The following ZNF326 variants were observed in gnomAD, a reference collection of about 807,000 sequenced individuals.
The protein encoded by ZNF326 is DBIRD complex subunit ZNF326.
ZNF326 carries 30 observed loss-of-function variants against 63.1 expected under a neutral mutation model. That is an observed-to-expected ratio of 0.48 (90% CI 0.36 to 0.64). ZNF326 has a LOEUF of 0.64. ZNF326 is among the 30% of genes least tolerant of loss of function. The pLI, the probability that ZNF326 is intolerant of heterozygous loss-of-function variation, is 0.00. For missense variants in ZNF326, 609 were observed against 720.3 expected, an observed-to-expected ratio of 0.85 and a Z score of 1.77; for synonymous variants, 194 against 228.2, an observed-to-expected ratio of 0.85 and a Z score of 1.35.
chr1:90,006,000 A>T, intron 4 of ZNF326: 1 of 985,460 alleles, frequency 1.0e-6, no homozygotes, highest in Non-Finnish European at 1.2e-6. Context: ...TTTTTGAGGC[A>T]CAAAGGTTCC....
Position 89,995,247 on chromosome 1 carries a change from C to T in ZNF326, c.-11C>T, listed in dbSNP as rs1265230554. The T allele has an allele frequency of 1.3e-6, 2 of 1,552,520 alleles. No homozygotes were observed. Among genetic ancestry groups the T allele is most frequent in the Non-Finnish European group, 1.7e-6 (2 of 1,151,282 alleles). On this transcript the variant is annotated 5_prime_UTR_variant, in exon 1 of 12. Coordinates refer to ENST00000340281, the MANE Select transcript of ZNF326 (RefSeq NM_182976.4). ...TAGCGCCGCCAAGGCCGACGGCCCT[C>T]AGCCTCTGCCATGGACTTCGAGGAC...
chr1:90,013,996 C>T (rs1297744347), intron 7 of ZNF326, among the ~76,000 whole-genome samples: 2 of 151,304 alleles, frequency 1.3e-5, no homozygotes, highest in Admixed American at 6.6e-5. Flanking sequence ...ACCCGGGAGT[C>T]GGAGCTTGCA....
At chr1:90,003,249 G>A (rs1397716260) in intron 2 of ZNF326, among the ~76,000 whole-genome samples, 1 of 151,630 alleles carries the variant, frequency 6.6e-6, no homozygotes. Context: ...TCCTGCCTCA[G>A]CCTGCCGAGT....
In ZNF326 at chr1:89,995,184, G is replaced by C; in HGVS notation, c.-74G>C. Reference sequence around the variant, plus strand: ...TCGCGCGGAGTGATCGTGTGGAATCGCGGGTCGCGGACGCTCGCCGCCGGC... The same window carrying C: ...TCGCGCGGAGTGATCGTGTGGAATCCCGGGTCGCGGACGCTCGCCGCCGGC... On this transcript the variant is annotated 5_prime_UTR_variant, in exon 1 of 12. Coordinates refer to ENST00000340281, the MANE Select transcript of ZNF326 (RefSeq NM_182976.4). 2.7e-6 allele frequency: 4 copies of C among 1,501,586 alleles called. No homozygotes were observed. The highest frequency in any genetic ancestry group is 3.4e-4 in the Middle Eastern group (2 of 5,840). 93.0% of individuals were successfully genotyped at this position (1,501,586 alleles called of 1,614,324 possible). A position where few individuals can be genotyped will look rare whatever the true frequency, so the allele number is the denominator to read the frequency against.
intron 4 of ZNF326, chr1:90,005,850 G>A (rs560206317): frequency 2.0e-6 from 2 of 985,334 alleles, no homozygotes; most frequent in Non-Finnish European, 2.4e-6. Flanking sequence ...TAGAAGCATT[G>A]TATTAAAGCC....
At chr1:90,000,409 G>A (rs1372861303) in intron 2 of ZNF326, among the ~76,000 whole-genome samples, 2 of 152,138 alleles carry the variant, frequency 1.3e-5, no homozygotes, top group Non-Finnish European at 2.9e-5. Context: ...ATATAGAAAA[G>A]GGGAGAGAAA....
chr1:90,018,894 C>A, intron 9 of ZNF326, 110 bp downstream of exon 9: 1 of 471,312 alleles, frequency 2.1e-6, no homozygotes, highest in Non-Finnish European at 3.6e-6. Flanking sequence ...GTCATATATA[C>A]AGTAGCTCTG....
In ZNF326 at chr1:90,034,434, G is replaced by C. The variant is rs550862314; in HGVS notation, c.*6733G>C. ...ATTGTCAGATAAAGAGTTCAAAATA[G>C]AGGAAACATTTTGAATTATATAGTG... On this transcript the variant is annotated 3_prime_UTR_variant, in exon 12 of 12. Transcript: ENST00000340281. 37 of 152,262 alleles carry C rather than the reference G, an allele frequency of 2.4e-4. No homozygotes were observed. Among genetic ancestry groups the C allele is most frequent in the Non-Finnish European group, 5.1e-4 (35 of 67,978 alleles). 9.4% of individuals were successfully genotyped at this position (152,262 alleles called of 1,614,324 possible). A position where few individuals can be genotyped will look rare whatever the true frequency, so the allele number is the denominator to read the frequency against.
chr1:89,995,428 C>T (rs1006497863), intron 1 of ZNF326, among the ~76,000 whole-genome samples, 155 bp downstream of exon 1: 6 of 152,206 alleles, frequency 3.9e-5, no homozygotes, highest in Non-Finnish European at 7.4e-5. Flanking sequence ...GAGTCGGCCT[C>T]TTTGGGGACC....
intron 9 of ZNF326, 85 bp from the exon 10 acceptor site, chr1:90,020,707 T>A: frequency 7.4e-7 from 1 of 1,357,756 alleles, no homozygotes; most frequent in Non-Finnish European, 1.0e-6. Context: ...GGGGTATAAA[T>A]AATCATGGAA....
At chr1:90,008,013 T>G (rs1400504590) in intron 5 of ZNF326, among the ~76,000 whole-genome samples, 1 of 152,212 alleles carries the variant, frequency 6.6e-6, no homozygotes, top group Non-Finnish European at 1.5e-5. Context: ...CTAAAAGGGG[T>G]TAAAAGGAGT....
rs1650269936 is a variant in ZNF326, at chr1:90,031,547, T to TTACAAGCA, written c.*3847_*3854dup. 1 of 151,902 alleles carries TTACAAGCA rather than the reference T, an allele frequency of 6.6e-6. No homozygotes were observed. The highest frequency in any genetic ancestry group is 1.5e-5 in the Non-Finnish European group (1 of 67,990). 9.4% of individuals were successfully genotyped at this position (151,902 alleles called of 1,614,324 possible). A position where few individuals can be genotyped will look rare whatever the true frequency, so the allele number is the denominator to read the frequency against. ...TTAATGTACCATTTAGTGGCATTAA[T>TTACAAGCA]TACAAGCAACCTTTTTTTTTTTTTT... On this transcript the variant is annotated 3_prime_UTR_variant, in exon 12 of 12. Coordinates refer to ENST00000340281, the MANE Select transcript of ZNF326 (RefSeq NM_182976.4).
At chr1:90,019,937 T>C (rs1649685321) in intron 9 of ZNF326, among the ~76,000 whole-genome samples, 1 of 152,140 alleles carries the variant, frequency 6.6e-6, no homozygotes, top group Non-Finnish European at 1.5e-5. Context: ...TAGAGAGTTA[T>C]ATACTAGGTA....
At chr1:90,002,613 A>T (rs190794466) in intron 2 of ZNF326, among the ~76,000 whole-genome samples, 6 of 152,296 alleles carry the variant, frequency 3.9e-5, no homozygotes, top group East Asian at 3.9e-4. Context: ...TTAATCTGGG[A>T]CTGTGTTGTC....
chr1:89,996,929 C>A (rs181814874), intron 1 of ZNF326, among the ~76,000 whole-genome samples: 1 of 152,194 alleles, frequency 6.6e-6, no homozygotes, highest in Non-Finnish European at 1.5e-5. Context: ...TCTTTCCACT[C>A]CCCACCCAAG....
chr1:90,020,707 T>TAATCATGGA, intron 9 of ZNF326, 85 bp from the exon 10 acceptor site: 1 of 1,357,756 alleles, frequency 7.4e-7, no homozygotes, highest in Non-Finnish European at 1.0e-6. Flanking sequence ...GGGGTATAAA[T>TAATCATGGA]AATCATGGAA....
rs1306299297 is a variant in ZNF326, at chr1:90,007,817, C to T, written c.615+67C>T. 9 of 1,350,116 alleles carry T rather than the reference C, an allele frequency of 6.7e-6. No homozygotes were observed. Among genetic ancestry groups the T allele is most frequent in the African/African-American group, 4.4e-5 (3 of 68,122 alleles). The allele number at this position is 1,350,116 out of a possible 1,614,324, so 83.6% of individuals were successfully genotyped here. A position where few individuals can be genotyped will look rare whatever the true frequency, so the allele number is the denominator to read the frequency against. On this transcript the variant is annotated intron_variant, in intron 5 of 11. Transcript: ENST00000340281. The surrounding 1 kb of genome is among the most constrained non-coding windows in gnomAD (Gnocchi z 4.9). ...CTCTTTTAAACCCTTTCAAGACCATCGTTTTCAACTAGAATAAACACTGTT... is the reference window on the plus strand; with the variant it reads ...CTCTTTTAAACCCTTTCAAGACCATTGTTTTCAACTAGAATAAACACTGTT...
chr1:90,022,239 GT>G lies in ZNF326; in HGVS notation c.1306-5del. 6.3e-7 allele frequency: 1 copy of G among 1,589,038 alleles called. No homozygotes were observed. The highest frequency in any genetic ancestry group is 8.6e-7 in the Non-Finnish European group (1 of 1,166,040). ...TTTTCAAGAACCCTCAGTGTGTTCT[GT>G]TTTTTATAGGCTTATAAGGAACAAA... On this transcript the variant is annotated splice_polypyrimidine_tract_variant and intron_variant, in intron 10 of 11. Coordinates refer to ENST00000340281, the MANE Select transcript of ZNF326 (RefSeq NM_182976.4).
chr1:90,010,972 A>G (rs889390740), intron 6 of ZNF326, among the ~76,000 whole-genome samples: 4 of 152,170 alleles, frequency 2.6e-5, no homozygotes, highest in Admixed American at 6.5e-5. Context: ...CAGTGTGTCA[A>G]TTGATAGACT....
Sources: allele counts gnomAD v4.1 joint callset (sites outside exome capture counted in the v4.1 genomes callset), GRCh38; gene constraint gnomAD v4.1.1; non-coding constraint Gnocchi (gnomAD v3.1); transcripts MANE v1.5; gene names NCBI Gene and HGNC (gene_info 2026-07-23, HGNC 2026-07-21).